The following AVEN variants were observed in gnomAD, a reference collection of about 807,000 sequenced individuals.
AVEN encodes cell death regulator Aven.
AVEN carries 41 observed loss-of-function variants against 38.1 expected under a neutral mutation model. The observed-to-expected ratio is 1.08, with a 90% CI of 0.84 to 1.40. The LOEUF (loss-of-function observed/expected upper bound fraction) is 1.40. Among genes scored for constraint, AVEN ranks in the 40% most tolerant of loss-of-function variants. AVEN has a pLI of 0.00. For missense variants in AVEN, 605 were observed against 438.8 expected (o/e 1.38, Z -3.38); for synonymous variants, 206 against 171.8 (o/e 1.20, Z -1.56).
chr15:33,969,794 G>A (rs77805374), intron 2 of AVEN, among the ~76,000 whole-genome samples: 2,212 of 152,110 alleles, frequency 0.015, 53 homozygotes, highest in African/African-American at 0.05. Flanking sequence ...AAAGATGTCT[G>A]GTACCTTAAA....
chr15:34,021,860 A>G (rs980551342), intron 1 of AVEN, among the ~76,000 whole-genome samples: 1 of 152,060 alleles, frequency 6.6e-6, no homozygotes, highest in Non-Finnish European at 1.5e-5. Flanking sequence ...CATCTCAAAA[A>G]TAAAAATAAA....
chr15:33,996,087 A>T (rs1331720284), intron 2 of AVEN, among the ~76,000 whole-genome samples: 10 of 152,234 alleles, frequency 6.6e-5, no homozygotes. Flanking sequence ...CTAGCGCAGC[A>T]GTCTGAGATA....
At chr15:34,055,267 G>A (rs530137648) in intron 5 of AVEN, among the ~76,000 whole-genome samples, 1 of 151,832 alleles carries the variant, frequency 6.6e-6, no homozygotes, top group Non-Finnish European at 1.5e-5. Context: ...GGAGGCCGAG[G>A]TGGGTGGATC....
At chr15:34,009,730 G>A (rs978989322) in intron 1 of AVEN, among the ~76,000 whole-genome samples, 2 of 152,144 alleles carry the variant, frequency 1.3e-5, no homozygotes, top group Non-Finnish European at 2.9e-5. Flanking sequence ...GTTCATGCCT[G>A]TAATCCCAAT....
intron 3 of AVEN, among the ~76,000 whole-genome samples, chr15:33,871,774 CAAAA>C (rs55793582): frequency 1.1e-5 from 1 of 91,586 alleles, no homozygotes; most frequent in African/African-American, 4.0e-5. Context: ...CTAGTCTCCT[CAAAA>C]AAAAAAAAAA....
chr15:34,005,853 T>C (rs1218545455), intron 1 of AVEN, among the ~76,000 whole-genome samples: 1 of 152,208 alleles, frequency 6.6e-6, no homozygotes, highest in African/African-American at 2.4e-5. Context: ...TAAGCCTCCC[T>C]GTCAAAACAA....
intron 1 of AVEN, among the ~76,000 whole-genome samples, chr15:34,009,468 A>AT (rs573668905): frequency 5.9e-5 from 9 of 152,184 alleles, no homozygotes; most frequent in African/African-American, 1.4e-4. Context: ...TATAACATAG[A>AT]TTTTTTTAAA....
intron 1 of AVEN, among the ~76,000 whole-genome samples, chr15:34,032,136 G>A (rs1019057782): frequency 6.6e-6 from 1 of 152,046 alleles, no homozygotes; most frequent in Non-Finnish European, 1.5e-5. Flanking sequence ...ATTACTATGT[G>A]TCACTATGGT....
chr15:33,966,213 T>C (rs1057134740), intron 2 of AVEN, among the ~76,000 whole-genome samples: 17 of 152,284 alleles, frequency 1.1e-4, no homozygotes, highest in African/African-American at 3.4e-4. Context: ...TTCTCCTATG[T>C]TGACATTGTA....
At chr15:33,994,993 G>C (rs1335035246) in intron 2 of AVEN, among the ~76,000 whole-genome samples, 1 of 152,164 alleles carries the variant, frequency 6.6e-6, no homozygotes, top group African/African-American at 2.4e-5. Flanking sequence ...CAGGCACAGT[G>C]GCTCACACCT....
intron 2 of AVEN, among the ~76,000 whole-genome samples, chr15:33,958,069 A>G (rs533252977): frequency 4.5e-4 from 68 of 152,356 alleles, no homozygotes; most frequent in African/African-American, 1.4e-3. Context: ...CCACTATTCT[A>G]TAACTTGTTT....
At chr15:33,986,419 T>C (rs1896472137) in intron 2 of AVEN, among the ~76,000 whole-genome samples, 1 of 151,984 alleles carries the variant, frequency 6.6e-6, no homozygotes, top group Non-Finnish European at 1.5e-5. Flanking sequence ...CACTGTAAAT[T>C]TTTATAAACT....
At chr15:33,872,007 T>A (rs1890982840) in intron 3 of AVEN, among the ~76,000 whole-genome samples, 2 of 152,214 alleles carry the variant, frequency 1.3e-5, no homozygotes, top group Admixed American at 6.5e-5. Context: ...GTAACCCAGC[T>A]CCCATGTCAG....
At chr15:33,952,402 T>C (rs182871691) in intron 2 of AVEN, among the ~76,000 whole-genome samples, 13 of 152,302 alleles carry the variant, frequency 8.5e-5, no homozygotes, top group African/African-American at 2.9e-4. Context: ...TGCTTATCCA[T>C]AATTGGGACA....
At chr15:33,960,783 T>C (rs1432914514) in intron 2 of AVEN, among the ~76,000 whole-genome samples, 3 of 152,190 alleles carry the variant, frequency 2.0e-5, no homozygotes, top group Non-Finnish European at 1.5e-5. Context: ...CTTGATATGC[T>C]TGTCTTCCGC....
intron 2 of AVEN, among the ~76,000 whole-genome samples, chr15:33,879,576 G>C (rs1190451313): frequency 1.3e-5 from 2 of 152,016 alleles, no homozygotes; most frequent in Non-Finnish European, 1.5e-5. Flanking sequence ...AAAGAAGATA[G>C]TGAAGCAATG....
chr15:33,932,407 C>T (rs1306989773), intron 2 of AVEN, among the ~76,000 whole-genome samples: 2 of 152,148 alleles, frequency 1.3e-5, no homozygotes, highest in African/African-American at 2.4e-5. Flanking sequence ...ACTCTATGTA[C>T]ACTGACATTA....
At chr15:33,895,872 T>TGGA in intron 2 of AVEN, among the ~76,000 whole-genome samples, 1 of 152,210 alleles carries the variant, frequency 6.6e-6, no homozygotes. Flanking sequence ...CCAGCCATGA[T>TGGA]GGAGGCTAGG....
At chr15:33,934,970 T>C (rs1894003165) in intron 2 of AVEN, among the ~76,000 whole-genome samples, 2 of 152,170 alleles carry the variant, frequency 1.3e-5, no homozygotes, top group South Asian at 4.1e-4. Context: ...AAGTCTCAAG[T>C]ATTATTTACT....
Sources: gnomAD v4.1 joint callset for allele counts (sites outside exome capture counted in the v4.1 genomes callset) on GRCh38, gnomAD v4.1.1 for gene constraint, MANE v1.5 for transcripts, NCBI Gene and HGNC (gene_info 2026-07-23, HGNC 2026-07-21) for gene names.